The following UGT1A4 variants were observed in gnomAD, a reference collection of about 807,000 sequenced individuals.
UGT1A4 encodes the protein UDP-glucuronosyltransferase 1A4.
In UGT1A4, 32 loss-of-function variants were observed where a neutral mutation model predicts 41.1. The observed-to-expected ratio is 0.78, with a 90% CI of 0.59 to 1.05. The LOEUF (loss-of-function observed/expected upper bound fraction) is 1.05. Ranked by LOEUF, UGT1A4 falls within the 50% of genes least tolerant of loss-of-function variation. UGT1A4 has a pLI of 0.00. For missense variants in UGT1A4, 748 were observed against 677.4 expected (o/e 1.10, Z -1.16); for synonymous variants, 283 against 265.1 (o/e 1.07, Z -0.66).
At chr2:233,767,444 TAAA>T (rs1699395657) in intron 2 of UGT1A4, among the ~76,000 whole-genome samples, 1 of 152,186 alleles carries the variant, frequency 6.6e-6, no homozygotes, top group Non-Finnish European at 1.5e-5. Flanking sequence ...TATTTAAAAA[TAAA>T]ATAAATGGGA....
chr2:233,739,031 G>A (rs1340117619), intron 1 of UGT1A4: 1 of 152,236 alleles, frequency 6.6e-6, no homozygotes, highest in East Asian at 1.9e-4. Flanking sequence ...GGCTAAAAGG[G>A]GCCAAGGTAG....
chr2:233,759,557 C>T (rs1697172001), intron 1 of UGT1A4, among the ~76,000 whole-genome samples: 1 of 152,070 alleles, frequency 6.6e-6, no homozygotes, highest in South Asian at 2.1e-4. Context: ...AGTGAATTTC[C>T]CTTTCTGGTC....
intron 1 of UGT1A4, chr2:233,742,079 T>C (rs1691866087): frequency 6.6e-6 from 1 of 151,874 alleles, no homozygotes; most frequent in Non-Finnish European, 1.5e-5. Flanking sequence ...GGAGATCCTT[T>C]TTTTACATTT....
chr2:233,724,353 C>T (rs2077234748), intron 1 of UGT1A4, among the ~76,000 whole-genome samples: 1 of 148,076 alleles, frequency 6.8e-6, no homozygotes, highest in African/African-American at 2.5e-5. Flanking sequence ...CCCCCCACCT[C>T]CCTCCCGGAC....
chr2:233,747,127 T>C, intron 1 of UGT1A4: 1 of 1,513,692 alleles, frequency 6.6e-7, no homozygotes, highest in South Asian at 1.2e-5. Context: ...GCTAAGTGGC[T>C]CAGTGACAAG....
intron 1 of UGT1A4, among the ~76,000 whole-genome samples, chr2:233,762,570 C>A (rs1698104527): frequency 6.6e-6 from 1 of 152,154 alleles, no homozygotes; most frequent in South Asian, 2.1e-4. Flanking sequence ...TAGTCTAGTT[C>A]CCCACAGAGG....
At chr2:233,729,062 G>C in intron 1 of UGT1A4, 3 of 1,610,966 alleles carry the variant, frequency 1.9e-6, no homozygotes, top group South Asian at 2.2e-5. Context: ...TAATTAAGAT[G>C]AAGAAAGCAA....
rs567256454 is a variant in UGT1A4 at position 233,740,487 on chromosome 2, A to G, written c.867+20800A>G. Among the ~76,000 whole-genome samples the G allele has an allele frequency of 3.4e-4, 52 of 152,072 alleles. 1 individual carries two copies. In the South Asian group the frequency reaches 4.6e-3, roughly 13 times the overall value. The stretch of plus-strand genomic sequence containing the variant: ...GACAGAAAGGATCATTCCCTCTTCC[A>G]GATGCTTTCCAGTGTGTGATGTAAG... On this transcript the variant is annotated intron_variant, in intron 1 of 4. Transcript: ENST00000373409.
intron 4 of UGT1A4, chr2:233,770,332 T>C (rs1040470973): frequency 6.6e-6 from 1 of 152,102 alleles, no homozygotes; most frequent in Non-Finnish European, 1.5e-5. Context: ...CAGGCCATAA[T>C]AGGTGCTCAA....
chr2:233,722,240 A>G (rs538416824), intron 1 of UGT1A4, among the ~76,000 whole-genome samples: 40 of 152,326 alleles, frequency 2.6e-4, no homozygotes, highest in Middle Eastern at 6.8e-3. Flanking sequence ...ATCATGTATT[A>G]TCTGTGACAG....
intron 1 of UGT1A4, among the ~76,000 whole-genome samples, chr2:233,722,377 C>T (rs570845988): frequency 4.6e-5 from 7 of 152,274 alleles, no homozygotes; most frequent in East Asian, 3.9e-4. Context: ...TGAAATCTTA[C>T]GTTTCTTCTC....
chr2:233,734,392 G>A (rs570744266), intron 1 of UGT1A4, among the ~76,000 whole-genome samples: 1 of 151,992 alleles, frequency 6.6e-6, no homozygotes, highest in Non-Finnish European at 1.5e-5. Context: ...ATTTTTTATT[G>A]CGTCTATTTG....
At chr2:233,760,673 A>T (rs1191873899) in intron 1 of UGT1A4, 3 of 1,614,096 alleles carry the variant, frequency 1.9e-6, no homozygotes, top group East Asian at 2.2e-5. Flanking sequence ...GGCTGTTCCC[A>T]CTTACTGCAC....
At chr2:233,728,832 C>T (rs2077754724) in intron 1 of UGT1A4, among the ~76,000 whole-genome samples, 1 of 152,118 alleles carries the variant, frequency 6.6e-6, no homozygotes, top group African/African-American at 2.4e-5. Flanking sequence ...GTGTTCACAG[C>T]CTTGTGTTGG....
At chr2:233,725,615 T>C (rs572802204) in intron 1 of UGT1A4, among the ~76,000 whole-genome samples, 1 of 152,322 alleles carries the variant, frequency 6.6e-6, no homozygotes, top group African/African-American at 2.4e-5. Flanking sequence ...TCTTGCTAAG[T>C]CTTCAAAATC....
In UGT1A4 at chr2:233,767,157, C is replaced by T; in HGVS notation, c.991C>T (p.Pro331Ser). The T allele has an allele frequency of 3.1e-6, 5 of 1,614,012 alleles. No homozygotes were observed. Among genetic ancestry groups the T allele is most frequent in the Non-Finnish European group, 4.2e-6 (5 of 1,179,992 alleles). Reference protein sequence around the residue: ...MAIADALGKIPQTVLWRYTGT... With the variant: ...MAIADALGKISQTVLWRYTGT... ...AATTGCTGATGCTTTGGGCAAAATC[C>T]CTCAGACAGTAAGAAGATTCTATAC... The change falls in exon 2 of 5, where the codon CCT becomes TCT. Residue 331 changes from proline to serine, a missense_variant. Coordinates refer to ENST00000373409, the MANE Select transcript of UGT1A4 (RefSeq NM_007120.3).
chr2:233,762,771 C>G (rs543365278), intron 1 of UGT1A4, among the ~76,000 whole-genome samples: 5 of 150,154 alleles, frequency 3.3e-5, no homozygotes, highest in South Asian at 4.2e-4. Context: ...ATTTCTATCT[C>G]TAGCTGATTA....
intron 1 of UGT1A4, among the ~76,000 whole-genome samples, chr2:233,720,431 G>A (rs28898613): frequency 0.011 from 1,733 of 152,136 alleles, 27 homozygotes; most frequent in African/African-American, 0.04. Context: ...AGATAAGACC[G>A]TGAATCTATA....
At chr2:233,764,334 G>A (rs1470444566) in intron 1 of UGT1A4, among the ~76,000 whole-genome samples, 1 of 152,188 alleles carries the variant, frequency 6.6e-6, no homozygotes, top group Non-Finnish European at 1.5e-5. Flanking sequence ...AGTAGGGGAT[G>A]GACTTCACCT....
Sources: gnomAD v4.1 joint callset for allele counts (sites outside exome capture counted in the v4.1 genomes callset) on GRCh38, gnomAD v4.1.1 for gene constraint, MANE v1.5 for transcripts, NCBI Gene and HGNC (gene_info 2026-07-23, HGNC 2026-07-21) for gene names.